The following UBTD2 variants were observed in gnomAD, a reference collection of about 807,000 sequenced individuals.
UBTD2 encodes the protein ubiquitin domain-containing protein 2.
In UBTD2, 9 loss-of-function variants were observed where a neutral mutation model predicts 19.8. The ratio of observed to expected loss-of-function variants is 0.46; its 90% CI spans 0.27 to 0.79. The LOEUF (loss-of-function observed/expected upper bound fraction) is 0.79. UBTD2 is among the 30% of genes least tolerant of loss of function. The pLI, the probability that UBTD2 is intolerant of heterozygous loss-of-function variation, is 0.14. For missense variants in UBTD2, 250 were observed against 300.4 expected (o/e 0.83, Z 1.24); for synonymous variants, 98 against 103.9 (o/e 0.94, Z 0.35).
intron 1 of UBTD2, among the ~76,000 whole-genome samples, chr5:172,280,540 T>C (rs962575682): frequency 2.1e-5 from 3 of 145,984 alleles, no homozygotes; most frequent in Admixed American, 2.0e-4. Flanking sequence ...CCAGCCTAAC[T>C]ACTCATGTGG....
chr5:172,230,340 A>AT (rs1771864608), intron 2 of UBTD2, among the ~76,000 whole-genome samples: 3 of 148,144 alleles, frequency 2.0e-5, no homozygotes. Context: ...AGTAAAAAAA[A>AT]GGTAATTTAG....
chr5:172,214,724 A>T (rs1771511153), intron 2 of UBTD2, among the ~76,000 whole-genome samples: 1 of 152,120 alleles, frequency 6.6e-6, no homozygotes, highest in Non-Finnish European at 1.5e-5. Context: ...TAGAAACAGT[A>T]ATTTGTTTTT....
chr5:172,255,018 C>T, intron 1 of UBTD2: 1 of 553,034 alleles, frequency 1.8e-6, no homozygotes, highest in Non-Finnish European at 3.6e-6. Context: ...AGCAAGATCC[C>T]CAGGCTCCAT....
chr5:172,265,956 CAG>C (rs1282661029), intron 1 of UBTD2, among the ~76,000 whole-genome samples: 5 of 149,810 alleles, frequency 3.3e-5, no homozygotes, highest in Non-Finnish European at 7.4e-5. Context: ...TTTTTTGAGA[CAG>C]AGTCTTGCTC....
At chr5:172,212,903 T>G (rs1287121434) in intron 2 of UBTD2, among the ~76,000 whole-genome samples, 1 of 151,844 alleles carries the variant, frequency 6.6e-6, no homozygotes, top group Non-Finnish European at 1.5e-5. Flanking sequence ...TGACCTCAGG[T>G]GATCCACCCA....
chr5:172,271,862 ATAC>A, intron 1 of UBTD2, among the ~76,000 whole-genome samples: 1 of 152,304 alleles, frequency 6.6e-6, no homozygotes, highest in Middle Eastern at 3.4e-3. Context: ...CACCTTGCTT[ATAC>A]CTAAAAGCCC....
At chr5:172,280,734 G>T (rs1755697548) in intron 1 of UBTD2, among the ~76,000 whole-genome samples, 1 of 152,092 alleles carries the variant, frequency 6.6e-6, no homozygotes, top group Non-Finnish European at 1.5e-5. Context: ...TCTAGGCAAG[G>T]TATATGCCAA....
At chr5:172,254,507 C>T in intron 1 of UBTD2, 1 of 558,570 alleles carries the variant, frequency 1.8e-6, no homozygotes, top group East Asian at 3.8e-5. Context: ...GTTCATCAGA[C>T]CGAGCAAACG....
At chr5:172,255,308 G>A in intron 1 of UBTD2, 1 of 451,960 alleles carries the variant, frequency 2.2e-6, no homozygotes. Flanking sequence ...AACTCATCAG[G>A]CAATTGTGTG....
intron 2 of UBTD2, among the ~76,000 whole-genome samples, chr5:172,217,907 C>A (rs573697508): frequency 6.6e-6 from 1 of 152,276 alleles, no homozygotes; most frequent in African/African-American, 2.4e-5. Flanking sequence ...GCCTTCAACA[C>A]CCCTCAATCA....
intron 1 of UBTD2, among the ~76,000 whole-genome samples, chr5:172,245,783 G>A (rs1231420137): frequency 6.6e-6 from 1 of 151,992 alleles, no homozygotes; most frequent in Non-Finnish European, 1.5e-5. Flanking sequence ...CCTAAATGGT[G>A]CATGTGCTGT....
intron 1 of UBTD2, among the ~76,000 whole-genome samples, chr5:172,244,470 GTA>G (rs976643907): frequency 3.3e-5 from 5 of 150,258 alleles, no homozygotes; most frequent in African/African-American, 1.2e-4. Context: ...CTAATTTTTT[GTA>G]TTTTTAGTAG....
chr5:172,243,306 T>A (rs1581220903), intron 1 of UBTD2, among the ~76,000 whole-genome samples: 1 of 152,158 alleles, frequency 6.6e-6, no homozygotes, highest in Non-Finnish European at 1.5e-5. Context: ...ATAGACTGAC[T>A]GCATGTGTGT....
At chr5:172,273,590 C>CAAAAAAAAAA (rs35687001) in intron 1 of UBTD2, among the ~76,000 whole-genome samples, 17 of 36,422 alleles carry the variant, frequency 4.7e-4, no homozygotes, top group South Asian at 9.9e-4. Context: ...GACTCCGTCT[C>CAAAAAAAAAA]AAAAAAAAAA....
At chr5:172,277,067 CAAAAAAAAAAAAA>C (rs56277139) in intron 1 of UBTD2, among the ~76,000 whole-genome samples, 14 of 65,118 alleles carry the variant, frequency 2.1e-4, no homozygotes, top group East Asian at 9.6e-4. Flanking sequence ...GACTCTGTCT[CAAAAAAAAAAAAA>C]AAAAAAAAAA....
At chr5:172,256,918 CAA>C (rs201615112) in intron 1 of UBTD2, among the ~76,000 whole-genome samples, 1 of 151,884 alleles carries the variant, frequency 6.6e-6, no homozygotes, top group Non-Finnish European at 1.5e-5. Flanking sequence ...GACTCCATCT[CAA>C]AAAAAAGTTT....
chr5:172,278,894 C>A (rs747538950), intron 1 of UBTD2, among the ~76,000 whole-genome samples: 13 of 152,152 alleles, frequency 8.5e-5, no homozygotes, highest in Non-Finnish European at 1.5e-4. Flanking sequence ...CCTGCCTCAG[C>A]CTCCTGAATA....
intron 2 of UBTD2, 106 bp from the exon 3 acceptor site, chr5:172,212,333 G>T: frequency 8.3e-7 from 1 of 1,211,334 alleles, no homozygotes; most frequent in Non-Finnish European, 1.1e-6. Flanking sequence ...GCACTGTAGA[G>T]AAAAAACATC....
intron 1 of UBTD2, among the ~76,000 whole-genome samples, chr5:172,273,998 T>A (rs897461493): frequency 6.6e-6 from 1 of 152,082 alleles, no homozygotes; most frequent in East Asian, 1.9e-4. Flanking sequence ...CAAAGTGGTA[T>A]GAAATTTTAG....
Sources: allele counts gnomAD v4.1 joint callset (sites outside exome capture counted in the v4.1 genomes callset), GRCh38; gene constraint gnomAD v4.1.1; transcripts MANE v1.5; gene names NCBI Gene and HGNC (gene_info 2026-07-23, HGNC 2026-07-21).